Variants in NELL1 observed in about 807,000 individuals in gnomAD.
NELL1 encodes protein kinase C-binding protein NELL1.
A neutral mutation model predicts 107.4 loss-of-function variants in NELL1; 76 were observed. That is an observed-to-expected ratio of 0.71 (90% CI 0.59 to 0.86). NELL1 has a LOEUF of 0.86. Among genes scored for constraint, NELL1 ranks in the 40% least tolerant of loss-of-function variants. The probability of loss-of-function intolerance (pLI) is 0.00; values close to 1 mark genes in which losing one functional copy is unlikely to be tolerated. For missense variants in NELL1, 1,024 were observed against 1,005.5 expected (o/e 1.02, Z -0.25); for synonymous variants, 353 against 341.2 (o/e 1.03, Z -0.38).
intron 12 of NELL1, among the ~76,000 whole-genome samples, chr11:21,062,309 C>T (rs756208989): frequency 6.6e-5 from 10 of 152,000 alleles, no homozygotes; most frequent in Non-Finnish European, 8.8e-5. Context: ...AATTTGTTAA[C>T]GGTGATTACT....
intron 2 of NELL1, among the ~76,000 whole-genome samples, chr11:20,779,227 G>A (rs1243011998): frequency 6.6e-6 from 1 of 152,192 alleles, no homozygotes; most frequent in Non-Finnish European, 1.5e-5. Context: ...TCAATGATGG[G>A]TGTTGGTTTA....
chr11:21,280,042 T>G (rs1406336813), intron 14 of NELL1, among the ~76,000 whole-genome samples: 1 of 152,162 alleles, frequency 6.6e-6, no homozygotes, highest in Non-Finnish European at 1.5e-5. Context: ...TTCAGGGGAT[T>G]CCAGAGGTTG....
rs555207111 is a variant in NELL1 at position 21,513,797 on chromosome 11, A to AAAAT, written c.1646-20575_1646-20572dup. On this transcript the variant is annotated intron_variant, in intron 15 of 19. Transcript: ENST00000357134. ...GATGAAGAAACTGAGACTGAAATAT[A>AAAAT]AAATACATGGTTCCATAGCCAATTA... Among the ~76,000 whole-genome samples the AAAAT allele has an allele frequency of 2.6e-3, 401 of 152,316 alleles. 3 individuals are homozygous for AAAAT. The highest frequency in any genetic ancestry group is 9.2e-3 in the African/African-American group (384 of 41,560).
At chr11:21,156,116 A>C (rs1856227228) in intron 13 of NELL1, among the ~76,000 whole-genome samples, 1 of 152,184 alleles carries the variant, frequency 6.6e-6, no homozygotes, top group East Asian at 1.9e-4. Flanking sequence ...AATGGGTCCC[A>C]GTGGAACCTG....
At chr11:21,024,139 T>C (rs543710410) in intron 12 of NELL1, among the ~76,000 whole-genome samples, 3 of 152,222 alleles carry the variant, frequency 2.0e-5, no homozygotes, top group Admixed American at 6.5e-5. Flanking sequence ...TGTTCCAGAA[T>C]GTGGAAACAC....
intron 15 of NELL1, among the ~76,000 whole-genome samples, chr11:21,476,801 G>A (rs1400440019): frequency 6.6e-6 from 1 of 152,142 alleles, no homozygotes; most frequent in Non-Finnish European, 1.5e-5. Context: ...AGGGAAGGGA[G>A]AGCACAATGA....
At chr11:21,287,093 A>C (rs1445145412) in intron 14 of NELL1, among the ~76,000 whole-genome samples, 1 of 152,244 alleles carries the variant, frequency 6.6e-6, no homozygotes, top group Non-Finnish European at 1.5e-5. Flanking sequence ...TTCTGAATAG[A>C]ACTGAGTGAA....
intron 2 of NELL1, among the ~76,000 whole-genome samples, chr11:20,696,742 A>G (rs1854628061): frequency 1.3e-5 from 2 of 152,154 alleles, no homozygotes; most frequent in South Asian, 2.1e-4. Context: ...CTTTAGAAAA[A>G]TTACATTTAA....
intron 2 of NELL1, among the ~76,000 whole-genome samples, chr11:20,746,677 T>G (rs1856012031): frequency 6.6e-6 from 1 of 152,052 alleles, no homozygotes; most frequent in African/African-American, 2.4e-5. Context: ...TAAAGGACAT[T>G]GAAGGTGAAA....
chr11:21,159,809 C>CCA (rs1278663755), intron 13 of NELL1, among the ~76,000 whole-genome samples: 1 of 152,156 alleles, frequency 6.6e-6, no homozygotes, highest in Non-Finnish European at 1.5e-5. Context: ...AACACACCAC[C>CCA]CACTATCTGT....
chr11:21,257,252 C>T (rs1280357496), intron 14 of NELL1, among the ~76,000 whole-genome samples: 2 of 152,024 alleles, frequency 1.3e-5, no homozygotes, highest in Non-Finnish European at 2.9e-5. Flanking sequence ...TGAGATGCCA[C>T]ACCACTAAGT....
At chr11:21,473,359 C>T (rs575357273) in intron 15 of NELL1, among the ~76,000 whole-genome samples, 27 of 152,088 alleles carry the variant, frequency 1.8e-4, no homozygotes, top group African/African-American at 6.5e-4. Flanking sequence ...CCAAATCAAA[C>T]TCATTTGTTC....
chr11:20,924,860 C>A (rs767911884), intron 7 of NELL1, among the ~76,000 whole-genome samples: 9 of 152,174 alleles, frequency 5.9e-5, no homozygotes, highest in Non-Finnish European at 8.8e-5. Context: ...TACTTTCTTT[C>A]TATTGAGGTT....
At chr11:21,301,440 A>G (rs1849490134) in intron 14 of NELL1, among the ~76,000 whole-genome samples, 2 of 152,060 alleles carry the variant, frequency 1.3e-5, no homozygotes, top group Admixed American at 1.3e-4. Flanking sequence ...CGCCATTCTA[A>G]CTGGCATGCA....
intron 2 of NELL1, among the ~76,000 whole-genome samples, chr11:20,781,039 A>G (rs1459580290): frequency 5.3e-5 from 8 of 152,214 alleles, no homozygotes; most frequent in Non-Finnish European, 1.0e-4. Flanking sequence ...CACGTTAACT[A>G]CAGTGTGAAG....
chr11:20,957,005 G>A (rs1851188647), intron 11 of NELL1, among the ~76,000 whole-genome samples: 1 of 152,102 alleles, frequency 6.6e-6, no homozygotes, highest in Admixed American at 6.5e-5. Flanking sequence ...AAAAACAACT[G>A]GAGACCAGAA....
intron 12 of NELL1, among the ~76,000 whole-genome samples, chr11:21,096,757 C>T (rs1854652602): frequency 1.3e-5 from 2 of 152,212 alleles, no homozygotes; most frequent in South Asian, 2.1e-4. Flanking sequence ...TACGGGGTCT[C>T]ACTCTGTCAC....
chr11:20,712,306 A>T (rs762792388), intron 2 of NELL1, among the ~76,000 whole-genome samples: 11 of 151,790 alleles, frequency 7.2e-5, no homozygotes, highest in Admixed American at 1.3e-4. Context: ...AGAAATTATA[A>T]TTTTTTTTAT....
intron 14 of NELL1, among the ~76,000 whole-genome samples, chr11:21,360,069 A>C (rs1851036821): frequency 6.6e-6 from 1 of 151,954 alleles, no homozygotes; most frequent in Middle Eastern, 3.2e-3. Flanking sequence ...AGTTCCTTGA[A>C]GTGTGATCTT....
Sources: gnomAD v4.1 joint callset for allele counts (sites outside exome capture counted in the v4.1 genomes callset) on GRCh38, gnomAD v4.1.1 for gene constraint, MANE v1.5 for transcripts, NCBI Gene and HGNC (gene_info 2026-07-23, HGNC 2026-07-21) for gene names.